SH3RF2: variants seen among roughly 807,000 people sequenced by gnomAD.
SH3RF2 encodes SH3 domain containing ring finger 2.
A neutral mutation model predicts 59.0 loss-of-function variants in SH3RF2; 43 were observed. That is an observed-to-expected ratio of 0.73 (90% CI 0.57 to 0.94). SH3RF2 has a LOEUF of 0.94. Ranked by LOEUF, SH3RF2 falls within the 40% of genes least tolerant of loss-of-function variation. The pLI is 0.00. For missense variants in SH3RF2, 930 were observed against 940.1 expected (o/e 0.99, Z 0.14); for synonymous variants, 391 against 391.5 (o/e 1.00, Z 0.01).
At chr5:146,051,279 T>A (rs998297577) in intron 7 of SH3RF2, among the ~76,000 whole-genome samples, 6 of 152,194 alleles carry the variant, frequency 3.9e-5, no homozygotes, top group Non-Finnish European at 5.9e-5. Flanking sequence ...TAGGTCATAA[T>A]GAAGGGTTTA....
At chr5:145,974,367 GA>G (rs1488742087) in intron 2 of SH3RF2, among the ~76,000 whole-genome samples, 2 of 152,144 alleles carry the variant, frequency 1.3e-5, no homozygotes, top group Non-Finnish European at 2.9e-5. Flanking sequence ...TATTCAAGGA[GA>G]AGGAATTTCA....
intron 9 of SH3RF2, among the ~76,000 whole-genome samples, chr5:146,071,616 T>C (rs776428685): frequency 1.3e-5 from 2 of 152,170 alleles, no homozygotes; most frequent in Admixed American, 6.5e-5. Context: ...CCAGCTATGT[T>C]CCCAGTCCAC....
chr5:145,970,436 T>C (rs766631810), intron 2 of SH3RF2, among the ~76,000 whole-genome samples: 2 of 152,240 alleles, frequency 1.3e-5, no homozygotes, highest in Non-Finnish European at 2.9e-5. Flanking sequence ...TCCAGGTTGC[T>C]GAGAATGCCA....
At position 145,960,052 on chromosome 5, in the gene SH3RF2, T is replaced by C. The variant is rs563707158; in HGVS notation, c.378+21746T>C. Among the ~76,000 whole-genome samples the C allele has an allele frequency of 2.6e-5, 4 of 152,310 alleles. No homozygotes were observed. In the East Asian group the frequency reaches 5.8e-4, roughly 22 times the overall value. ...GTATGTATGCATGTATGTATGTATG[T>C]ATGTATTTAATTTTGTTTTAGAGAC... On this transcript the variant is annotated intron_variant, in intron 2 of 9. Transcript: ENST00000359120.
At chr5:145,945,589 G>T (rs944533830) in intron 2 of SH3RF2, among the ~76,000 whole-genome samples, 4 of 152,118 alleles carry the variant, frequency 2.6e-5, no homozygotes, top group Non-Finnish European at 5.9e-5. Context: ...GGGAAGAAAA[G>T]GCAGGGTCTG....
At chr5:146,010,753 G>C (rs1407723015) in intron 4 of SH3RF2, among the ~76,000 whole-genome samples, 2 of 151,910 alleles carry the variant, frequency 1.3e-5, no homozygotes, top group Non-Finnish European at 2.9e-5. Context: ...AAATTTGTTT[G>C]AGTTCATTGT....
At chr5:145,965,212 GA>G (rs905617089) in intron 2 of SH3RF2, among the ~76,000 whole-genome samples, 13 of 148,134 alleles carry the variant, frequency 8.8e-5, no homozygotes, top group East Asian at 7.9e-4. Flanking sequence ...TTAAAATTAA[GA>G]AAAAAAAAAC....
chr5:146,042,483 T>C (rs1042440599), intron 5 of SH3RF2, among the ~76,000 whole-genome samples: 5 of 152,248 alleles, frequency 3.3e-5, no homozygotes, highest in African/African-American at 1.2e-4. Context: ...ATTTTATCGA[T>C]TTTGAAGAAA....
chr5:146,057,928 G>GTCTCTCTCTCTCTCTCTCTCTCTC (rs58826823), intron 8 of SH3RF2, among the ~76,000 whole-genome samples: 3 of 133,174 alleles, frequency 2.3e-5, no homozygotes, highest in African/African-American at 9.1e-5. Context: ...GGCTGTTAGT[G>GTCTCTCTCTCTCTCTCTCTCTCTC]TCTCTCTCTC....
Position 145,959,666 on chromosome 5 carries a change from C to CAT in SH3RF2, c.378+21375_378+21376dup, listed in dbSNP as rs112801991. Among the ~76,000 whole-genome samples the CAT allele has an allele frequency of 3.9e-3, 556 of 142,242 alleles. 7 individuals carry two copies. Among genetic ancestry groups the CAT allele is most frequent in the South Asian group, 0.015 (66 of 4,342 alleles). 93.3% of individuals were successfully genotyped at this position (142,242 alleles called of 152,430 possible). On this transcript the variant is annotated intron_variant, in intron 2 of 9. Transcript: ENST00000359120. ...GTGTGTGTATGTGTGTGTGTGTATACATATATATATATATATCAGCAGAGG... is the reference window on the plus strand; with the variant it reads ...GTGTGTGTATGTGTGTGTGTGTATACATATATATATATATATATCAGCAGAGG...
At chr5:145,967,542 G>C (rs1485334025) in intron 2 of SH3RF2, among the ~76,000 whole-genome samples, 1 of 152,214 alleles carries the variant, frequency 6.6e-6, no homozygotes, top group African/African-American at 2.4e-5. Context: ...TGTGAACCCA[G>C]GTCTGCCTAA....
chr5:145,980,784 TTATAAG>T (rs1445793505), intron 2 of SH3RF2, among the ~76,000 whole-genome samples: 1 of 152,246 alleles, frequency 6.6e-6, no homozygotes, highest in African/African-American at 2.4e-5. Context: ...TTCAAACTTA[TTATAAG>T]TATTTCTAAA....
intron 2 of SH3RF2, among the ~76,000 whole-genome samples, chr5:145,943,013 A>T (rs1294355505): frequency 6.6e-6 from 1 of 152,106 alleles, no homozygotes; most frequent in South Asian, 2.1e-4. Flanking sequence ...AGGCATACTT[A>T]TATCATACAG....
chr5:145,945,389 A>C (rs2149941850), intron 2 of SH3RF2, among the ~76,000 whole-genome samples: 1 of 152,366 alleles, frequency 6.6e-6, no homozygotes, highest in African/African-American at 2.4e-5. Context: ...AACTGGGTAC[A>C]TTTTTGTATG....
At chr5:145,977,603 A>AGGTATGGACATGTGGTGGG (rs1759343369) in intron 2 of SH3RF2, among the ~76,000 whole-genome samples, 2 of 152,312 alleles carry the variant, frequency 1.3e-5, no homozygotes, top group South Asian at 4.1e-4. Context: ...ACACAAAGAC[A>AGGTATGGACATGTGGTGGG]GGTATGGACA....
intron 5 of SH3RF2, among the ~76,000 whole-genome samples, chr5:146,019,136 T>G (rs1248705397): frequency 1.3e-5 from 2 of 152,152 alleles, no homozygotes; most frequent in Non-Finnish European, 2.9e-5. Flanking sequence ...TTATTTATTT[T>G]TGTCTTTGTT....
intron 3 of SH3RF2, among the ~76,000 whole-genome samples, chr5:146,002,469 AAAGG>A (rs368645230): frequency 0.25 from 23,912 of 97,302 alleles, 3,103 homozygotes; most frequent in East Asian, 0.31. Flanking sequence ...AAAAGAAAGA[AAAGG>A]AAGGAAGGAA....
intron 7 of SH3RF2, among the ~76,000 whole-genome samples, chr5:146,052,232 T>C (rs1346515914): frequency 6.6e-6 from 1 of 152,134 alleles, no homozygotes; most frequent in Non-Finnish European, 1.5e-5. Context: ...AGGTATCAGC[T>C]GAAACTCTCC....
In SH3RF2 at chr5:145,938,138, G is replaced by A; in HGVS notation, c.210G>A (p.Val70=). The A allele has an allele frequency of 3.1e-6, 5 of 1,614,200 alleles. No individual in the cohort carries two copies. Among genetic ancestry groups the A allele is most frequent in the Non-Finnish European group, 4.2e-6 (5 of 1,180,036 alleles). ...IEALPANLLL[V]RLLDGVRSGQ... Reference sequence around the variant, plus strand: ...CGCTGCCGGCCAACCTGCTGCTCGTGCGCCTTCTGGATGGAGTGCGCTCAG... The same window carrying A: ...CGCTGCCGGCCAACCTGCTGCTCGTACGCCTTCTGGATGGAGTGCGCTCAG... Residue 70 remains valine (V), a synonymous_variant, in exon 2 of 10, where the codon GTG becomes GTA. Coordinates refer to ENST00000359120, the MANE Select transcript of SH3RF2 (RefSeq NM_152550.4).
Sources: gnomAD v4.1 joint callset for allele counts (sites outside exome capture counted in the v4.1 genomes callset) on GRCh38, gnomAD v4.1.1 for gene constraint, MANE v1.5 for transcripts, NCBI Gene and HGNC (gene_info 2026-07-23, HGNC 2026-07-21) for gene names.